TPM1: variants seen among roughly 807,000 people sequenced by gnomAD.
TPM1 encodes tropomyosin alpha-1 chain.
A neutral mutation model predicts 42.9 loss-of-function variants in TPM1; 24 were observed. That is an observed-to-expected ratio of 0.56 (90% CI 0.41 to 0.79). The LOEUF is 0.79. Among genes scored for constraint, TPM1 ranks in the 30% least tolerant of loss-of-function variants. The probability of loss-of-function intolerance (pLI) is 0.00; values close to 1 mark genes in which losing one functional copy is unlikely to be tolerated. For synonymous variants in TPM1, 136 were observed against 130.1 expected, an observed-to-expected ratio of 1.05 and a Z score of -0.31; for missense variants, 158 against 351.8, an observed-to-expected ratio of 0.45 and a Z score of 4.41.
chr15:63,068,992 A>T (rs991618557), downstream of TPM1, among the ~76,000 whole-genome samples: 7 of 94,178 alleles, frequency 7.4e-5, no homozygotes, highest in Non-Finnish European at 1.6e-4. Context: ...ACTAAAAAAA[A>T]TACAAAAAAA....
chr15:63,060,559 G>C (rs888596891), intron 4 of TPM1, among the ~76,000 whole-genome samples: 1 of 152,166 alleles, frequency 6.6e-6, no homozygotes, highest in African/African-American at 2.4e-5. Context: ...TGCTGTTTTT[G>C]AGATTGTGAA....
At chr15:63,069,760 C>G, downstream of TPM1, 1 of 1,367,378 alleles carries the variant, frequency 7.3e-7, no homozygotes, top group South Asian at 1.2e-5. Context: ...TGACCAGTTG[C>G]TGTCCTGCTT....
In TPM1 at chr15:63,042,935, A is replaced by G. The variant is rs1566936237; in HGVS notation, c.106A>G (p.Ser36Gly). 8.7e-6 allele frequency: 14 copies of G among 1,600,064 alleles called. No homozygotes were observed. The highest frequency in any genetic ancestry group is 1.2e-5 in the Non-Finnish European group (14 of 1,173,550). ...EADKKAAEDR[S>G]KQLEDELVSL... ...CGACAAGAAGGCGGCGGAAGACAGG[A>G]GCAAGCAGGTCTGCGCCTCCCCGGC... is the stretch of plus-strand genomic sequence containing the variant. Residue 36 changes from serine (S) to glycine (G), a missense_variant, in exon 1 of 10, where the codon AGC becomes GGC. Ser to Gly is a moderately conservative substitution (Grantham distance 56). Coordinates refer to ENST00000403994, the MANE Select transcript of TPM1 (RefSeq NM_001018005.2).
At chr15:63,060,101 G>A (rs2035411033) in intron 4 of TPM1, 1 of 230,924 alleles carries the variant, frequency 4.3e-6, no homozygotes, top group Non-Finnish European at 8.7e-6. Flanking sequence ...GATTCACAGA[G>A]GCCTCTCTCC....
rs779791290 is a variant in TPM1 at position 63,061,244 on chromosome 15, T to C, written c.563+305T>C. The C allele has an allele frequency of 8.1e-6, 13 of 1,614,116 alleles. No individual in the cohort carries two copies. Among genetic ancestry groups the C allele is most frequent in the Middle Eastern group, 1.6e-4 (1 of 6,084 alleles). On this transcript the variant is annotated intron_variant, in intron 5 of 9. Coordinates refer to ENST00000403994, the MANE Select transcript of TPM1 (RefSeq NM_001018005.2). ...ACAATTAAGAATAATGGATCAGACCTTGAAAGCATTAATGGCTGCAGAGGA... is the reference window on the plus strand; with the variant it reads ...ACAATTAAGAATAATGGATCAGACCCTGAAAGCATTAATGGCTGCAGAGGA...
chr15:63,064,302 A>G, intron 9 of TPM1, 160 bp downstream of exon 9: 1 of 1,520,252 alleles, frequency 6.6e-7, no homozygotes, highest in African/African-American at 1.4e-5. Context: ...ACTTTCTGCT[A>G]ATATAAAGGC....
intron 2 of TPM1, among the ~76,000 whole-genome samples, chr15:63,051,153 C>G (rs1014649699): frequency 6.6e-6 from 1 of 152,128 alleles, no homozygotes; most frequent in African/African-American, 2.4e-5. Context: ...ATGAATCTTC[C>G]TTTCTGAGTA....
intron 3 of TPM1, among the ~76,000 whole-genome samples, chr15:63,059,057 ATAGT>A: frequency 6.6e-6 from 1 of 152,300 alleles, no homozygotes; most frequent in Non-Finnish European, 1.5e-5. Flanking sequence ...TGTGGACTTA[ATAGT>A]TTATTAAATC....
At chr15:63,043,851 C>T (rs552329164) in intron 1 of TPM1, 176 bp from the exon 2 acceptor site, 4 of 1,548,820 alleles carry the variant, frequency 2.6e-6, no homozygotes, top group Admixed American at 2.0e-5. Context: ...GCGCGCGGCA[C>T]GGCGTGGCGC....
Position 63,064,162 on chromosome 15 carries a change from G to A in TPM1, c.851+20G>A. On this transcript the variant is annotated intron_variant, in intron 9 of 9. Coordinates refer to ENST00000403994, the MANE Select transcript of TPM1 (RefSeq NM_001018005.2). ...TTCCATGTAAACGTTCATCCACTCT[G>A]CCTGCTTACACCCTGCCCTCATGCT... The A allele has an allele frequency of 6.2e-7, 1 of 1,611,422 alleles. No homozygotes were observed. Among genetic ancestry groups the A allele is most frequent in the Non-Finnish European group, 8.5e-7 (1 of 1,178,756 alleles).
intron 9 of TPM1, 130 bp downstream of exon 9, chr15:63,064,272 A>G: frequency 1.3e-6 from 2 of 1,536,538 alleles, no homozygotes; most frequent in South Asian, 2.4e-5. Flanking sequence ...GTCATAACCT[A>G]GAATAGTCAT....
chr15:63,048,719 A>G (rs1566944180), intron 2 of TPM1: 1 of 1,534,470 alleles, frequency 6.5e-7, no homozygotes, highest in South Asian at 1.2e-5. Context: ...TAAGGGATAC[A>G]CCCATCACCC....
At position 63,044,378 on chromosome 15, in the gene TPM1, G is replaced by T. The variant is rs1229313346; in HGVS notation, c.240+226G>T. 12 of 670,920 alleles carry T rather than the reference G, an allele frequency of 1.8e-5. No homozygotes were observed. The South Asian group carries it at 2.2e-4, about 12-fold the overall frequency. The allele number at this position is 670,920 out of a possible 1,614,324, so 41.6% of individuals were successfully genotyped here. Reference sequence around the variant, plus strand: ...CTTCTCCTTTCCTTTACCTCCCTGGGGGTGGAGGTGGGTGGATGAGAGGCT... The same window carrying T: ...CTTCTCCTTTCCTTTACCTCCCTGGTGGTGGAGGTGGGTGGATGAGAGGCT... On this transcript the variant is annotated intron_variant, in intron 2 of 9. Transcript: ENST00000403994.
intron 2 of TPM1, chr15:63,044,371 T>C: frequency 1.4e-6 from 1 of 706,794 alleles, no homozygotes; most frequent in South Asian, 1.8e-5. Flanking sequence ...TTCCTTTACC[T>C]CCCTGGGGGT....
rs2035671896 is a variant in TPM1, at chr15:63,061,788, G to T, written c.639G>T (p.Lys213Asn). Residue 213 changes from lysine (K) to asparagine (N), a missense_variant and splice_region_variant, in exon 6 of 10, where the codon AAG (lysine) becomes AAT (asparagine). By Grantham distance (94) the Lys-to-Asn change is moderately conservative. Coordinates refer to ENST00000403994, the MANE Select transcript of TPM1 (RefSeq NM_001018005.2). The part of the protein sequence containing the change: ...NLKSLEAQAE[K>N]YSQKEDRYEE... ...AGTCACTGGAGGCTCAGGCTGAGAA[G>T]GTAGGCCAGGAGGATGGTGTGGGGG... 6.2e-6 allele frequency: 10 copies of T among 1,614,088 alleles called. No individual in the cohort carries two copies. Among genetic ancestry groups the T allele is most frequent in the Non-Finnish European group, 8.5e-6 (10 of 1,179,974 alleles).
At chr15:63,049,675 A>G (rs1377651397) in intron 2 of TPM1, among the ~76,000 whole-genome samples, 1 of 152,174 alleles carries the variant, frequency 6.6e-6, no homozygotes, top group African/African-American at 2.4e-5. Context: ...GTTCTAGTTA[A>G]GTGTTTGTAA....
intron 2 of TPM1, 44 bp downstream of exon 2, chr15:63,044,196 G>T (rs1183238648): frequency 6.2e-6 from 10 of 1,613,828 alleles, no homozygotes; most frequent in Non-Finnish European, 8.5e-6. Context: ...TTGCCTGCGT[G>T]GCCACTCCGG....
At chr15:63,043,119 A>T in intron 1 of TPM1, 176 bp downstream of exon 1, 1 of 622,622 alleles carries the variant, frequency 1.6e-6, no homozygotes, top group South Asian at 1.9e-5. Flanking sequence ...AGCCAGGCTT[A>T]GTCTAACTTA....
At chr15:63,064,754 A>C in intron 9 of TPM1, 1 of 770,818 alleles carries the variant, frequency 1.3e-6, no homozygotes, top group Non-Finnish European at 1.6e-6. Context: ...TCACGAGGTC[A>C]GGAGATTGAG....
Sources: allele counts gnomAD v4.1 joint callset (sites outside exome capture counted in the v4.1 genomes callset), GRCh38; gene constraint gnomAD v4.1.1; transcripts MANE v1.5; gene names NCBI Gene and HGNC (gene_info 2026-07-23, HGNC 2026-07-21).